Variants in FRMD4A observed in about 807,000 individuals in gnomAD.
FRMD4A encodes FERM domain containing 4A.
FRMD4A carries 29 observed loss-of-function variants against 129.1 expected under a neutral mutation model. The ratio of observed to expected loss-of-function variants is 0.22; its 90% confidence interval spans 0.17 to 0.31. FRMD4A has a LOEUF of 0.31. Ranked by LOEUF, FRMD4A falls within the 10% of genes least tolerant of loss-of-function variation. FRMD4A has a pLI of 1.00. For missense variants in FRMD4A, 1,272 were observed against 1,375.8 expected (o/e 0.92, Z 1.19); for synonymous variants, 634 against 571.6 (o/e 1.11, Z -1.56).
At chr10:13,747,888 G>A (rs1161529910) in intron 8 of FRMD4A, 69 bp from the exon 9 acceptor site, 1 of 873,264 alleles carries the variant, frequency 1.1e-6, no homozygotes, top group East Asian at 2.4e-5. Flanking sequence ...GATACCACTT[G>A]GGCCGCTGTC....
At chr10:13,726,472 G>A (rs995088467) in intron 12 of FRMD4A, among the ~76,000 whole-genome samples, 2 of 152,148 alleles carry the variant, frequency 1.3e-5, no homozygotes, top group Non-Finnish European at 2.9e-5. Flanking sequence ...AACGAAGTAG[G>A]ATCTCATAGA....
intron 2 of FRMD4A, among the ~76,000 whole-genome samples, chr10:13,992,377 T>C (rs1286793839): frequency 6.6e-6 from 1 of 152,176 alleles, no homozygotes; most frequent in Non-Finnish European, 1.5e-5. Flanking sequence ...TCATGAGTCT[T>C]TAGCCTGTCT....
intron 15 of FRMD4A, among the ~76,000 whole-genome samples, chr10:13,681,268 C>T (rs2084556517): frequency 6.6e-6 from 1 of 152,200 alleles, no homozygotes. Flanking sequence ...TGTGTCTCAT[C>T]ATTAACCAGT....
chr10:13,646,999 G>A lies in FRMD4A; in HGVS notation c.*39C>T. 1.0e-6 allele frequency: 1 copy of A among 982,542 alleles called. No individual in the cohort carries two copies. The highest frequency in any genetic ancestry group is 1.2e-6 in the Non-Finnish European group (1 of 826,880). 60.9% of individuals were successfully genotyped at this position (982,542 alleles called of 1,614,324 possible). On this transcript the variant is annotated 3_prime_UTR_variant, in exon 25 of 25. Transcript: ENST00000357447. Reference sequence around the variant, plus strand: ...ACTGGACATCAGCTAGTTCTGGATAGAGGGAGGAATCCAGGAAACAGCTAT... The same window carrying A: ...ACTGGACATCAGCTAGTTCTGGATAAAGGGAGGAATCCAGGAAACAGCTAT...
At chr10:14,081,216 C>T (rs1490621560) in intron 2 of FRMD4A, among the ~76,000 whole-genome samples, 1 of 152,110 alleles carries the variant, frequency 6.6e-6, no homozygotes, top group Non-Finnish European at 1.5e-5. Context: ...ATACTGACTT[C>T]CTTCTCTACT....
intron 6 of FRMD4A, among the ~76,000 whole-genome samples, chr10:13,765,551 A>G (rs1366238885): frequency 6.6e-6 from 1 of 152,178 alleles, no homozygotes; most frequent in Admixed American, 6.5e-5. Context: ...GGAATTTCAC[A>G]GTTGGATACT....
chr10:14,125,079 G>A (rs1293811317), intron 2 of FRMD4A, among the ~76,000 whole-genome samples: 1 of 152,128 alleles, frequency 6.6e-6, no homozygotes, highest in African/African-American at 2.4e-5. Flanking sequence ...TAAAGTTAAT[G>A]AAGCAACTCA....
At chr10:14,008,523 G>T (rs914846744) in intron 2 of FRMD4A, 6 of 989,986 alleles carry the variant, frequency 6.1e-6, no homozygotes, top group Admixed American at 5.8e-5. Flanking sequence ...TTTGCTTCTC[G>T]TGGCTGCAGA....
At chr10:14,225,888 C>G (rs994045158) in intron 2 of FRMD4A, among the ~76,000 whole-genome samples, 1 of 152,086 alleles carries the variant, frequency 6.6e-6, no homozygotes, top group Non-Finnish European at 1.5e-5. Context: ...TCAGAATCTC[C>G]CAGTGTGTTC....
intron 3 of FRMD4A, among the ~76,000 whole-genome samples, chr10:13,827,832 G>T (rs1018289999): frequency 2.6e-5 from 4 of 152,206 alleles, no homozygotes; most frequent in Non-Finnish European, 5.9e-5. Context: ...GAGGAGGAGG[G>T]AGAAGGGGCC....
intron 2 of FRMD4A, among the ~76,000 whole-genome samples, chr10:14,124,442 G>A (rs1838714204): frequency 6.6e-6 from 1 of 152,114 alleles, no homozygotes; most frequent in Non-Finnish European, 1.5e-5. Context: ...TTGGGAGGCC[G>A]AAGCGGGTGG....
chr10:13,761,717 T>C, intron 7 of FRMD4A, 48 bp from the exon 8 acceptor site: 3 of 1,313,014 alleles, frequency 2.3e-6, no homozygotes, highest in South Asian at 1.2e-5. Flanking sequence ...AAGCCAATGT[T>C]AGAGACTCTA....
intron 2 of FRMD4A, among the ~76,000 whole-genome samples, chr10:14,012,147 T>A (rs986989134): frequency 3.4e-5 from 5 of 149,180 alleles, no homozygotes; most frequent in African/African-American, 1.2e-4. Context: ...GGCTGCTGGA[T>A]GTGGGGTGGG....
intron 2 of FRMD4A, among the ~76,000 whole-genome samples, chr10:14,292,113 A>G (rs1294271930): frequency 6.6e-6 from 1 of 152,226 alleles, no homozygotes; most frequent in Admixed American, 6.5e-5. Flanking sequence ...ATTTCCCCCA[A>G]AGTAATCCAT....
intron 2 of FRMD4A, among the ~76,000 whole-genome samples, chr10:13,908,266 A>AAG (rs979736081): frequency 1.3e-5 from 2 of 151,738 alleles, no homozygotes; most frequent in African/African-American, 2.4e-5. Flanking sequence ...TATTGAAAGC[A>AAG]AGAGAGAGAG....
Position 13,657,510 on chromosome 10 carries a change from G to C in FRMD4A, c.2079C>G (p.Ile693Met). The C allele has an allele frequency of 6.3e-7, 1 of 1,589,860 alleles. No individual in the cohort carries two copies. Among genetic ancestry groups the C allele is most frequent in the Non-Finnish European group, 8.5e-7 (1 of 1,170,306 alleles). ...CGAGGCTGTGCAGTCGGGTGGGGCTGATGTCCACCGACCTGCCGGGAGACG... is the reference window on the plus strand; with the variant it reads ...CGAGGCTGTGCAGTCGGGTGGGGCTCATGTCCACCGACCTGCCGGGAGACG... The part of the protein sequence containing the change: ...HYVHSTRSVD[I>M]SPTRLHSLAL... The change falls in exon 22 of 25, where the codon ATC becomes ATG. Residue 693 changes from isoleucine (I) to methionine (M), a missense_variant. Physicochemically the swap from Ile to Met is conservative, Grantham distance 10 (BLOSUM62 1). This residue lies in a region of FRMD4A where 972 missense variants were observed against 892.3 expected (regional missense o/e 1.09). Transcript: ENST00000357447.
At chr10:14,329,979 C>A (rs1187864198) in intron 2 of FRMD4A, 79 bp downstream of exon 2, 110 of 1,321,242 alleles carry the variant, frequency 8.3e-5, no homozygotes, top group Non-Finnish European at 7.5e-6. Context: ...GCAGCCACTG[C>A]AGCGGCAGCA....
intron 2 of FRMD4A, among the ~76,000 whole-genome samples, chr10:14,116,025 T>G (rs1838180231): frequency 6.6e-6 from 1 of 152,244 alleles, no homozygotes; most frequent in African/African-American, 2.4e-5. Context: ...TTTCAGTGAA[T>G]GGCTGAAGAA....
intron 2 of FRMD4A, among the ~76,000 whole-genome samples, chr10:14,312,339 CT>C (rs564001373): frequency 5.9e-5 from 9 of 152,352 alleles, no homozygotes; most frequent in African/African-American, 2.2e-4. Context: ...AGTCTCCGTA[CT>C]TCTGATCAGC....
Sources: allele counts gnomAD v4.1 joint callset (sites outside exome capture counted in the v4.1 genomes callset), GRCh38; gene constraint gnomAD v4.1.1; regional missense constraint gnomAD v4.1.1; transcripts MANE v1.5; gene names NCBI Gene and HGNC (gene_info 2026-07-23, HGNC 2026-07-21).